FAM220A: variants seen among roughly 807,000 people sequenced by gnomAD.
FAM220A encodes family with sequence similarity 220 member A, also known as protein FAM220A.
For synonymous variants in FAM220A, 141 were observed against 130.7 expected, an observed-to-expected ratio of 1.08 and a Z score of -0.54; for missense variants, 392 against 321.6, an observed-to-expected ratio of 1.22 and a Z score of -1.68.
Position 6,331,139 on chromosome 7 carries a change from C to G in FAM220A, c.16G>C (p.Gly6Arg). 1 of 1,612,360 alleles carries G rather than the reference C, an allele frequency of 6.2e-7. No individual in the cohort carries two copies. Among genetic ancestry groups the G allele is most frequent in the South Asian group, 1.1e-5 (1 of 91,022 alleles). ...TGTGCCAGGCAGGTGCCGAGGGGCC[C>G]TCTTCTGTCCCTCATGCTTCGTGTT... MRDRR[G>R]PLGTCLAQVQ... The change falls in exon 2 of 2, where the codon GGG (glycine) becomes CGG (arginine). Residue 6 changes from glycine to arginine, a missense_variant. Gly to Arg is a moderately radical substitution (Grantham distance 125). Transcript: ENST00000313324.
intron 1 of FAM220A, among the ~76,000 whole-genome samples, chr7:6,348,239 G>T (rs1438476745): frequency 6.6e-6 from 1 of 150,690 alleles, no homozygotes; most frequent in Non-Finnish European, 1.5e-5. Context: ...ATAAGGGGGG[G>T]GGTTGCAAAG....
chr7:6,338,820 A>G lies in FAM220A; in HGVS notation c.-81-7585T>C, dbSNP rs74525667. 334 of 152,376 alleles carry G rather than the reference A, an allele frequency of 2.2e-3. 4 individuals carry two copies. In the East Asian group the frequency reaches 0.032, roughly 15 times the overall value. 9.4% of individuals were successfully genotyped at this position (152,376 alleles called of 1,614,324 possible). ...GTAAACTAAAAATATCTTGGCCCCA[A>G]TGTTTCTGAAAGAGGTCTGGCAAGG... is the stretch of plus-strand genomic sequence containing the variant. On this transcript the variant is annotated intron_variant, in intron 1 of 1. Transcript: ENST00000313324.
chr7:6,342,631 G>A (rs558969198), intron 1 of FAM220A, among the ~76,000 whole-genome samples: 15 of 152,206 alleles, frequency 9.9e-5, no homozygotes, highest in South Asian at 2.1e-4. Flanking sequence ...AATAAAAACC[G>A]ATGTCCACAC....
intron 1 of FAM220A, among the ~76,000 whole-genome samples, chr7:6,334,302 T>G (rs567570663): frequency 6.6e-6 from 1 of 151,210 alleles, no homozygotes; most frequent in African/African-American, 2.4e-5. Context: ...TGGGGAGGCC[T>G]AGCTGGGTGG....
intron 1 of FAM220A, among the ~76,000 whole-genome samples, chr7:6,343,355 C>A (rs984402897): frequency 7.2e-6 from 1 of 139,482 alleles, no homozygotes; most frequent in Non-Finnish European, 1.5e-5. Flanking sequence ...CCAGCCTGAG[C>A]CACAAGAGTG....
In FAM220A at chr7:6,330,534, C is replaced by T. The variant is rs1127536; in HGVS notation, c.621G>A (p.Glu207=). 2.7e-3 allele frequency: 4,299 copies of T among 1,614,134 alleles called. 77 individuals are homozygous for T. In the African/African-American group the frequency reaches 0.044, roughly 16 times the overall value. ...AACGGTCAAGGAAAATGCGTTTTGT[C>T]TCCTCACTCAGGAGCACTTCGGGAT... ...HVYPEVLLSE[E]TKRIFLDRLK... is the part of the protein sequence containing the mutation. The change falls in exon 2 of 2, where the codon GAG becomes GAA. Residue 207 remains glutamate, a synonymous_variant. Transcript: ENST00000313324.
intron 1 of FAM220A, among the ~76,000 whole-genome samples, chr7:6,346,701 G>C (rs769932048): frequency 2.0e-5 from 3 of 152,052 alleles, no homozygotes; most frequent in Non-Finnish European, 4.4e-5. Context: ...ACTCAATTTG[G>C]ATCAACAGCC....
intron 1 of FAM220A, among the ~76,000 whole-genome samples, chr7:6,348,237 G>GGGGC (rs1249735955): frequency 6.6e-6 from 1 of 151,046 alleles, no homozygotes; most frequent in East Asian, 2.0e-4. Context: ...AAATAAGGGG[G>GGGGC]GGGGTTGCAA....
chr7:6,331,140 T>A lies in FAM220A; in HGVS notation c.15A>T (p.Arg5Ser). The change falls in exon 2 of 2, where the codon AGA becomes AGT. Residue 5 changes from arginine to serine, a missense_variant. Coordinates refer to ENST00000313324, the MANE Select transcript of FAM220A (RefSeq NM_001037163.2). MRDR[R>S]GPLGTCLAQV... ...GTGCCAGGCAGGTGCCGAGGGGCCC[T>A]CTTCTGTCCCTCATGCTTCGTGTTC... The A allele has an allele frequency of 6.2e-7, 1 of 1,612,326 alleles. No homozygotes were observed. Among genetic ancestry groups the A allele is most frequent in the Non-Finnish European group, 8.5e-7 (1 of 1,179,424 alleles).
chr7:6,329,938 T>A lies in FAM220A; in HGVS notation c.*437A>T, dbSNP rs905220307. Reference sequence around the variant, plus strand: ...TACAAAATGTAGACATGGTAACAGCTTACCACGAATTCAGCAAGATTTAAC... The same window carrying A: ...TACAAAATGTAGACATGGTAACAGCATACCACGAATTCAGCAAGATTTAAC... On this transcript the variant is annotated 3_prime_UTR_variant, in exon 2 of 2. Transcript: ENST00000313324. The A allele has an allele frequency of 1.1e-5, 2 of 174,412 alleles. No individual in the cohort carries two copies. The highest frequency in any genetic ancestry group is 2.4e-5 in the African/African-American group (1 of 41,520). 10.8% of individuals were successfully genotyped at this position (174,412 alleles called of 1,614,324 possible). A position where few individuals can be genotyped will look rare whatever the true frequency, so the allele number is the denominator to read the frequency against.
chr7:6,347,377 G>A (rs1213914471), intron 1 of FAM220A, among the ~76,000 whole-genome samples: 2 of 152,002 alleles, frequency 1.3e-5, no homozygotes, highest in Admixed American at 6.6e-5. Context: ...TTAGCCTGGC[G>A]TGGTGGCGGG....
intron 1 of FAM220A, among the ~76,000 whole-genome samples, chr7:6,339,641 G>T (rs1051957311): frequency 2.0e-5 from 3 of 150,430 alleles, no homozygotes; most frequent in Non-Finnish European, 3.0e-5. Context: ...CCGCCACCAC[G>T]CCTGGGTAAT....
chr7:6,348,850 G>A lies in FAM220A; in HGVS notation c.-359C>T, dbSNP rs569308753. 4 of 391,802 alleles carry A rather than the reference G, an allele frequency of 1.0e-5. No homozygotes were observed. The highest frequency in any genetic ancestry group is 2.8e-4 in the South Asian group (2 of 7,272). 24.3% of individuals were successfully genotyped at this position (391,802 alleles called of 1,614,324 possible). On this transcript the variant is annotated 5_prime_UTR_variant, in exon 1 of 2. Coordinates refer to ENST00000313324, the MANE Select transcript of FAM220A (RefSeq NM_001037163.2). ...CCCTCGCCTGGCGTGCTCAGGGAGC[G>A]AAGGAGGCGGCGGCTAGACCGGCGG...
At chr7:6,334,145 C>G (rs914055892) in intron 1 of FAM220A, among the ~76,000 whole-genome samples, 3 of 151,726 alleles carry the variant, frequency 2.0e-5, no homozygotes, top group African/African-American at 4.8e-5. Flanking sequence ...CGCACCCAGC[C>G]GAACTCCTGG....
At chr7:6,333,826 C>T (rs1336452322) in intron 1 of FAM220A, among the ~76,000 whole-genome samples, 1 of 143,340 alleles carries the variant, frequency 7.0e-6, no homozygotes, top group South Asian at 2.3e-4. Flanking sequence ...AGAATGGTCT[C>T]GAACTCCTGG....
intron 1 of FAM220A, among the ~76,000 whole-genome samples, chr7:6,333,402 A>C (rs1412687213): frequency 1.3e-5 from 2 of 152,164 alleles, no homozygotes; most frequent in Non-Finnish European, 1.5e-5. Context: ...CAAATGGTTC[A>C]GAATAGACAC....
chr7:6,341,548 G>A (rs1019909069), intron 1 of FAM220A, among the ~76,000 whole-genome samples: 3 of 151,074 alleles, frequency 2.0e-5, no homozygotes, highest in African/African-American at 7.3e-5. Flanking sequence ...AAATTAGCCA[G>A]GTGTAGTGGT....
intron 1 of FAM220A, among the ~76,000 whole-genome samples, chr7:6,333,407 A>G (rs763764133): frequency 5.3e-5 from 8 of 152,274 alleles, no homozygotes; most frequent in Middle Eastern, 3.4e-3. Flanking sequence ...GGTTCAGAAT[A>G]GACACACTAG....
At chr7:6,345,788 A>T (rs952466265) in intron 1 of FAM220A, among the ~76,000 whole-genome samples, 1 of 151,590 alleles carries the variant, frequency 6.6e-6, no homozygotes, top group African/African-American at 2.4e-5. Flanking sequence ...TATTTTTTTG[A>T]GACAGAGTCT....
Sources: gnomAD v4.1 joint callset for allele counts (sites outside exome capture counted in the v4.1 genomes callset) on GRCh38, gnomAD v4.1.1 for gene constraint, MANE v1.5 for transcripts, NCBI Gene and HGNC (gene_info 2026-07-23, HGNC 2026-07-21) for gene names.